ACRV1: variants seen among roughly 807,000 people sequenced by gnomAD.
The protein encoded by ACRV1 is acrosomal vesicle protein 1.
Under a neutral mutation model 29.2 loss-of-function variants are expected in ACRV1, and 17 were observed. The observed-to-expected ratio is 0.58, with a 90% CI of 0.40 to 0.87. ACRV1 has a LOEUF of 0.87. ACRV1 is among the 40% of genes least tolerant of loss of function. ACRV1 has a pLI of 0.00. For synonymous variants in ACRV1, 98 were observed against 111.6 expected (o/e 0.88, Z 0.77); for missense variants, 294 against 316.0 (o/e 0.93, Z 0.53).
chr11:125,672,518 T>G lies in ACRV1; in HGVS notation c.*75A>C. On this transcript the variant is annotated 3_prime_UTR_variant, in exon 4 of 4. Transcript: ENST00000533904. Reference sequence around the variant, plus strand: ...GTCAGTTGTTGACTGGGGAAGGAACTAAATATAAAATGAGCCAAATAGAGT... The same window carrying G: ...GTCAGTTGTTGACTGGGGAAGGAACGAAATATAAAATGAGCCAAATAGAGT... 6.4e-7 allele frequency: 1 copy of G among 1,569,356 alleles called. No homozygotes were observed. Among genetic ancestry groups the G allele is most frequent in the Non-Finnish European group, 8.7e-7 (1 of 1,154,980 alleles).
chr11:125,677,861 C>T lies in ACRV1; in HGVS notation c.489G>A (p.Gln163=), dbSNP rs1942592044. 2 of 1,613,948 alleles carry T rather than the reference C, an allele frequency of 1.2e-6. No individual in the cohort carries two copies. Among genetic ancestry groups the T allele is most frequent in the African/African-American group, 2.7e-5 (2 of 74,984 alleles). ...QPSGEQASGE[Q]PSGEHASGEQ... ...CCCCTGAAGCGTGCTCACCTGAAGG[C>T]TGTTCACCCGAGGCCTGCTCACCAG... Residue 163 remains glutamine (Q), a synonymous_variant, in exon 2 of 4, where the codon CAG becomes CAA. Coordinates refer to ENST00000533904, the MANE Select transcript of ACRV1 (RefSeq NM_001612.6).
In ACRV1 at chr11:125,678,143, A is replaced by C; in HGVS notation, c.207T>G (p.Gly69=). The C allele has an allele frequency of 6.2e-7, 1 of 1,614,190 alleles. No individual in the cohort carries two copies. The highest frequency in any genetic ancestry group is 2.2e-5 in the East Asian group (1 of 44,872). ...GCTTGCTTGAACCATGCTCACTGGA[A>C]CCATGCTCACTTAAAGTGTTCAGGC... ...SSGLNTLSEH[G]SSEHGSSKHT... is the part of the protein sequence containing the mutation. The change falls in exon 2 of 4, where the codon GGT becomes GGG. Residue 69 remains glycine, a synonymous_variant. Transcript: ENST00000533904.
Position 125,680,737 on chromosome 11 carries a change from G to A in ACRV1, c.44C>T (p.Ser15Phe), listed in dbSNP as rs1212375399. ...LLLMSLYLLG[S>F]ARGTSSQPNE... is the part of the protein sequence containing the mutation. ...CTAGATCAAACACTCACCTCTGGCA[G>A]ATCCAAGCAGATAAAGACTCATTAG... The change falls in exon 1 of 4, where the codon TCT becomes TTT. Residue 15 changes from serine (S) to phenylalanine (F), a missense_variant. Coordinates refer to ENST00000533904, the MANE Select transcript of ACRV1 (RefSeq NM_001612.6). 1 of 1,613,638 alleles carries A rather than the reference G, an allele frequency of 6.2e-7. No individual in the cohort carries two copies.
chr11:125,676,482 A>G lies in ACRV1; in HGVS notation c.554-4T>C. ...GTGTAGCAATTTAATATTGTGCCTG[A>G]AAATTTAAGATAAGCCTGATGACAT... On this transcript the variant is annotated splice_region_variant and splice_polypyrimidine_tract_variant and intron_variant, in intron 2 of 3. Coordinates refer to ENST00000533904, the MANE Select transcript of ACRV1 (RefSeq NM_001612.6). The G allele has an allele frequency of 1.2e-6, 2 of 1,614,162 alleles. No individual in the cohort carries two copies. Among genetic ancestry groups the G allele is most frequent in the Non-Finnish European group, 8.5e-7 (1 of 1,179,996 alleles).
chr11:125,680,789 A>C lies in ACRV1; in HGVS notation c.-9T>G. On this transcript the variant is annotated 5_prime_UTR_variant, in exon 1 of 4. Transcript: ENST00000533904. ...AAGAGAAACCTGTTCATCTGGATTT[A>C]GGAAAAGAGGGGACCCCAGTGTGGG... 1 of 1,613,298 alleles carries C rather than the reference A, an allele frequency of 6.2e-7. No individual in the cohort carries two copies. The highest frequency in any genetic ancestry group is 8.5e-7 in the Non-Finnish European group (1 of 1,179,366).
rs551930765 is a variant in ACRV1, at chr11:125,672,260, C to T, written c.*333G>A. On this transcript the variant is annotated 3_prime_UTR_variant, in exon 4 of 4. Coordinates refer to ENST00000533904, the MANE Select transcript of ACRV1 (RefSeq NM_001612.6). The stretch of plus-strand genomic sequence containing the variant: ...TTAAACAATGCACCCAGTTTAGTGT[C>T]GGTGTGGAAGGAAGCTCATGTTGAC... 1.5e-4 allele frequency: 31 copies of T among 211,922 alleles called. No homozygotes were observed. The highest frequency in any genetic ancestry group is 2.4e-4 in the Non-Finnish European group (26 of 107,196). 13.1% of individuals were successfully genotyped at this position (211,922 alleles called of 1,614,324 possible). A position where few individuals can be genotyped will look rare whatever the true frequency, so the allele number is the denominator to read the frequency against.
chr11:125,678,445 A>G, intron 1 of ACRV1, 148 bp from the exon 2 acceptor site: 1 of 932,712 alleles, frequency 1.1e-6, no homozygotes, highest in Non-Finnish European at 1.6e-6. Context: ...ATGTTGGGAA[A>G]AATCAACTAA....
intron 3 of ACRV1, 150 bp from the exon 4 acceptor site, chr11:125,672,867 G>A (rs1274788554): frequency 1.4e-5 from 14 of 1,011,324 alleles, no homozygotes; most frequent in Non-Finnish European, 1.8e-5. Flanking sequence ...CTTCCTCTGG[G>A]AACTTGCCCC....
At chr11:125,674,680 A>C (rs1942397047) in intron 3 of ACRV1, among the ~76,000 whole-genome samples, 1 of 152,126 alleles carries the variant, frequency 6.6e-6, no homozygotes, top group Non-Finnish European at 1.5e-5. Context: ...GCTTTGACCA[A>C]CCTGGATGGG....
intron 1 of ACRV1, among the ~76,000 whole-genome samples, chr11:125,679,894 T>A (rs1427513728): frequency 6.6e-6 from 1 of 152,250 alleles, no homozygotes; most frequent in East Asian, 1.9e-4. Flanking sequence ...ACTTATTACA[T>A]AAATACTATC....
chr11:125,677,876 C>T lies in ACRV1; in HGVS notation c.474G>A (p.Gln158=), dbSNP rs762645932. Residue 158 remains glutamine (Q), a synonymous_variant, in exon 2 of 4, where the codon CAG becomes CAA. Coordinates refer to ENST00000533904, the MANE Select transcript of ACRV1 (RefSeq NM_001612.6). ...HGSGEQPSGE[Q]ASGEQPSGEH... The stretch of plus-strand genomic sequence containing the variant: ...CACCTGAAGGCTGTTCACCCGAGGC[C>T]TGCTCACCAGAAGGCTGTTCACCGG... The T allele has an allele frequency of 1.9e-6, 3 of 1,613,838 alleles. No individual in the cohort carries two copies. Among genetic ancestry groups the T allele is most frequent in the Non-Finnish European group, 2.5e-6 (3 of 1,179,962 alleles).
At chr11:125,678,903 A>T (rs1393612314) in intron 1 of ACRV1, among the ~76,000 whole-genome samples, 1 of 147,766 alleles carries the variant, frequency 6.8e-6, no homozygotes, top group East Asian at 2.0e-4. Context: ...TCAATCCCCA[A>T]TCCATGTGGG....
At chr11:125,677,001 A>G (rs1942541943) in intron 2 of ACRV1, among the ~76,000 whole-genome samples, 1 of 152,062 alleles carries the variant, frequency 6.6e-6, no homozygotes, top group Admixed American at 6.5e-5. Context: ...AAATACTTCC[A>G]TGTTGCCTCT....
At chr11:125,679,712 G>A (rs1942707977) in intron 1 of ACRV1, among the ~76,000 whole-genome samples, 1 of 152,098 alleles carries the variant, frequency 6.6e-6, no homozygotes, top group Non-Finnish European at 1.5e-5. Flanking sequence ...TTGAGGCTGA[G>A]GTAGTCTAAA....
In ACRV1 at chr11:125,671,534, A is replaced by G. The variant is rs1034026615; in HGVS notation, c.*1059T>C. 1.3e-5 allele frequency: 2 copies of G among 152,202 alleles called. No homozygotes were observed. Among genetic ancestry groups the G allele is most frequent in the Admixed American group, 1.3e-4 (2 of 15,284 alleles). 9.4% of individuals were successfully genotyped at this position (152,202 alleles called of 1,614,324 possible). On this transcript the variant is annotated 3_prime_UTR_variant, in exon 4 of 4. Coordinates refer to ENST00000533904, the MANE Select transcript of ACRV1 (RefSeq NM_001612.6). ...TTGGGGAAGGGGTCATGATGTGTATATATGTTGAAATTTTAAATTTTATAT... is the reference window on the plus strand; with the variant it reads ...TTGGGGAAGGGGTCATGATGTGTATGTATGTTGAAATTTTAAATTTTATAT...
At chr11:125,678,422 C>T (rs1942629902) in intron 1 of ACRV1, 125 bp from the exon 2 acceptor site, 4 of 1,119,944 alleles carry the variant, frequency 3.6e-6, no homozygotes, top group East Asian at 2.4e-5. Context: ...GATTGGGCAC[C>T]TGAAGACTGC....
At chr11:125,673,706 C>A (rs1289256184) in intron 3 of ACRV1, among the ~76,000 whole-genome samples, 1 of 152,164 alleles carries the variant, frequency 6.6e-6, no homozygotes, top group Non-Finnish European at 1.5e-5. Flanking sequence ...CTCCCCAAAC[C>A]TGCTTGTTTT....
At position 125,677,787 on chromosome 11, in the gene ACRV1, C is replaced by T. The variant is rs766204306; in HGVS notation, c.553+10G>A. On this transcript the variant is annotated intron_variant, in intron 2 of 3. Coordinates refer to ENST00000533904, the MANE Select transcript of ACRV1 (RefSeq NM_001612.6). ...AGTCAATGACTGGCACCCATCCAAA[C>T]ATGGCTCACCTGTAGATGTGCTTGA... 6 of 1,612,964 alleles carry T rather than the reference C, an allele frequency of 3.7e-6. No individual in the cohort carries two copies. In the South Asian group the frequency reaches 6.6e-5, roughly 18 times the overall value.
rs1355335051 is a variant in ACRV1 at position 125,676,384 on chromosome 11, C to T, written c.648G>A (p.Gln216=). 5 of 1,614,050 alleles carry T rather than the reference C, an allele frequency of 3.1e-6. No individual in the cohort carries two copies. Among genetic ancestry groups the T allele is most frequent in the African/African-American group, 1.3e-5 (1 of 74,908 alleles). The change falls in exon 3 of 4, where the codon CAG becomes CAA. Residue 216 remains glutamine (Q), a synonymous_variant. Transcript: ENST00000533904. ...EGTCITQNSQ[Q]CMLKKIFEGG... Reference sequence around the variant, plus strand: ...CTTCAAAGATCTTCTTTAACATGCACTGCTGGGAATTCTGAGTGATGCAGG... The same window carrying T: ...CTTCAAAGATCTTCTTTAACATGCATTGCTGGGAATTCTGAGTGATGCAGG...
Sources: allele counts gnomAD v4.1 joint callset (sites outside exome capture counted in the v4.1 genomes callset), GRCh38; gene constraint gnomAD v4.1.1; transcripts MANE v1.5; gene names NCBI Gene and HGNC (gene_info 2026-07-23, HGNC 2026-07-21).